EVI5: variants seen among roughly 807,000 people sequenced by gnomAD.
The protein encoded by EVI5 is ecotropic viral integration site 5 protein homolog.
In EVI5, 73 loss-of-function variants were observed where a neutral mutation model predicts 112.0. The observed-to-expected ratio is 0.65, with a 90% confidence interval of 0.54 to 0.79. The LOEUF is 0.79. Among genes scored for constraint, EVI5 ranks in the 30% least tolerant of loss-of-function variants. EVI5 has a pLI of 0.00. For missense variants in EVI5, 900 were observed against 968.8 expected (o/e 0.93, Z 0.94); for synonymous variants, 305 against 319.9 (o/e 0.95, Z 0.50).
intron 2 of EVI5, among the ~76,000 whole-genome samples, chr1:92,719,248 G>A (rs1674336364): frequency 6.6e-6 from 1 of 151,970 alleles, no homozygotes; most frequent in Non-Finnish European, 1.5e-5. Context: ...ATGAAAAAAA[G>A]AGAATTTTAG....
intron 9 of EVI5, among the ~76,000 whole-genome samples, chr1:92,678,352 G>A (rs773511080): frequency 6.6e-6 from 1 of 152,106 alleles, no homozygotes; most frequent in African/African-American, 2.4e-5. Context: ...GCAACATGGT[G>A]AAACCCAGTC....
chr1:92,775,085 A>C (rs1683928420), intron 1 of EVI5, among the ~76,000 whole-genome samples: 1 of 152,264 alleles, frequency 6.6e-6, no homozygotes, highest in East Asian at 1.9e-4. Context: ...AGTAAAATAC[A>C]GTCATGCACC....
chr1:92,772,153 G>GC (rs1357487028), intron 1 of EVI5, among the ~76,000 whole-genome samples: 2 of 151,574 alleles, frequency 1.3e-5, no homozygotes, highest in Non-Finnish European at 2.9e-5. Flanking sequence ...CACCCGGCCT[G>GC]CCCACTGTAC....
intron 18 of EVI5, among the ~76,000 whole-genome samples, chr1:92,566,864 T>A (rs980710295): frequency 6.9e-6 from 1 of 144,966 alleles, no homozygotes; most frequent in African/African-American, 2.5e-5. Flanking sequence ...TGGGGTGCAA[T>A]GGCACAATCT....
At chr1:92,735,617 TTA>T (rs1361829259) in intron 2 of EVI5, among the ~76,000 whole-genome samples, 9 of 142,866 alleles carry the variant, frequency 6.3e-5, no homozygotes, top group South Asian at 2.1e-4. Context: ...TTATATATAA[TTA>T]TATGATATAT....
chr1:92,560,186 A>ATT (rs1237264355), intron 19 of EVI5, among the ~76,000 whole-genome samples: 1 of 152,246 alleles, frequency 6.6e-6, no homozygotes, highest in Admixed American at 6.5e-5. Flanking sequence ...ATCATGGTAT[A>ATT]TTTATGCAAA....
chr1:92,593,034 A>G (rs1205155492), intron 18 of EVI5, among the ~76,000 whole-genome samples: 4 of 152,244 alleles, frequency 2.6e-5, no homozygotes, highest in Non-Finnish European at 4.4e-5. Context: ...TATTCCAATC[A>G]ATAGAAAAAG....
intron 18 of EVI5, among the ~76,000 whole-genome samples, chr1:92,568,237 A>G (rs1008096144): frequency 6.6e-6 from 1 of 151,888 alleles, no homozygotes; most frequent in Non-Finnish European, 1.5e-5. Context: ...TTAGCTGGGC[A>G]TGGTGATGGG....
intron 2 of EVI5, among the ~76,000 whole-genome samples, chr1:92,708,931 G>A (rs886841544): frequency 2.6e-5 from 4 of 152,224 alleles, no homozygotes; most frequent in Middle Eastern, 3.4e-3. Flanking sequence ...CAGCTGCTGA[G>A]GGTTGTAGTA....
At chr1:92,629,504 C>T (rs1656416947) in intron 14 of EVI5, among the ~76,000 whole-genome samples, 1 of 152,110 alleles carries the variant, frequency 6.6e-6, no homozygotes, top group Admixed American at 6.5e-5. Context: ...TCTTCTACTC[C>T]CATTACTTAT....
intron 18 of EVI5, among the ~76,000 whole-genome samples, chr1:92,564,282 C>A (rs534314860): frequency 2.0e-5 from 3 of 152,016 alleles, no homozygotes; most frequent in Admixed American, 1.3e-4. Context: ...GAAAAAATTA[C>A]CCTAGAATTT....
intron 9 of EVI5, among the ~76,000 whole-genome samples, chr1:92,693,242 G>C (rs1163370565): frequency 6.6e-6 from 1 of 152,042 alleles, no homozygotes; most frequent in Non-Finnish European, 1.5e-5. Context: ...TAGTACACCT[G>C]TGCTTTAGTA....
chr1:92,526,722 CAG>C (rs143964054), intron 19 of EVI5, among the ~76,000 whole-genome samples: 3,089 of 152,214 alleles, frequency 0.02, 115 homozygotes, highest in African/African-American at 0.07. Flanking sequence ...AGGTGGAACA[CAG>C]GGGATTGTTA....
At chr1:92,707,215 T>C (rs1391493361) in intron 2 of EVI5, among the ~76,000 whole-genome samples, 1 of 149,836 alleles carries the variant, frequency 6.7e-6, no homozygotes, top group Non-Finnish European at 1.5e-5. Context: ...AGAAAACCTC[T>C]TCACAGCCTT....
intron 18 of EVI5, among the ~76,000 whole-genome samples, chr1:92,565,736 A>C (rs1260384053): frequency 6.6e-6 from 1 of 151,976 alleles, no homozygotes; most frequent in South Asian, 2.1e-4. Flanking sequence ...CAGGAGGCCG[A>C]GGCAGGTGGA....
chr1:92,778,330 A>G (rs1684422203), intron 1 of EVI5, among the ~76,000 whole-genome samples: 1 of 152,180 alleles, frequency 6.6e-6, no homozygotes, highest in Non-Finnish European at 1.5e-5. Context: ...AAAAGAAAGG[A>G]GCAAGTGAAT....
intron 3 of EVI5, 100 bp downstream of exon 3, chr1:92,704,455 C>T (rs1671672031): frequency 7.3e-6 from 5 of 682,392 alleles, no homozygotes; most frequent in South Asian, 5.5e-5. Context: ...TAATATATAG[C>T]TTGGAAGTTG....
At chr1:92,781,954 C>CAA (rs36036236) in intron 1 of EVI5, among the ~76,000 whole-genome samples, 6 of 47,032 alleles carry the variant, frequency 1.3e-4, no homozygotes, top group East Asian at 7.7e-4. Flanking sequence ...GATTCTGTCT[C>CAA]AAAAAAAAAA....
upstream of EVI5, among the ~76,000 whole-genome samples, chr1:92,789,728 G>C (rs1685947012): frequency 6.6e-6 from 1 of 152,124 alleles, no homozygotes; most frequent in Non-Finnish European, 1.5e-5. Flanking sequence ...CTTGGCAAGG[G>C]TTAAACCCTG....
Sources: allele counts gnomAD v4.1 joint callset (sites outside exome capture counted in the v4.1 genomes callset), GRCh38; gene constraint gnomAD v4.1.1; transcripts MANE v1.5; gene names NCBI Gene and HGNC (gene_info 2026-07-23, HGNC 2026-07-21).